DOCK9: variants seen among roughly 807,000 people sequenced by gnomAD.
DOCK9 encodes the protein dedicator of cytokinesis protein 9.
In DOCK9, 89 loss-of-function variants were observed where a neutral mutation model predicts 263.3. That is an observed-to-expected ratio of 0.34 (90% CI 0.28 to 0.40). The LOEUF (loss-of-function observed/expected upper bound fraction) is 0.40, where lower values mean the gene tolerates loss of function less well. DOCK9 is among the 10% of genes least tolerant of loss of function. The probability of loss-of-function intolerance (pLI) is 1.00; values close to 1 mark genes in which losing one functional copy is unlikely to be tolerated. For missense variants in DOCK9, 2,140 were observed against 2,603.4 expected (o/e 0.82, Z 3.87); for synonymous variants, 976 against 973.1 (o/e 1.00, Z -0.06).
chr13:99,020,299 A>G (rs1885934622), intron 1 of DOCK9, among the ~76,000 whole-genome samples: 1 of 152,186 alleles, frequency 6.6e-6, no homozygotes, highest in Non-Finnish European at 1.5e-5. Flanking sequence ...GATAAATTCA[A>G]CAATTTCTGA....
intron 48 of DOCK9, among the ~76,000 whole-genome samples, chr13:98,807,380 TG>T (rs1386927792): frequency 2.0e-5 from 3 of 152,230 alleles, no homozygotes; most frequent in African/African-American, 7.2e-5. Context: ...GGCCTCATTC[TG>T]TCAGAGTTTC....
chr13:98,918,213 G>A (rs1290198658), intron 7 of DOCK9, among the ~76,000 whole-genome samples: 1 of 152,216 alleles, frequency 6.6e-6, no homozygotes, highest in East Asian at 1.9e-4. Context: ...CCTGGAGGCA[G>A]TATCTGAATT....
rs551934283 is a variant in DOCK9, at chr13:99,069,406, A to G, written c.129+16817T>C. On this transcript the variant is annotated intron_variant, in intron 1 of 32. Coordinates refer to the DOCK9 transcript ENST00000427887. Reference sequence around the variant, plus strand: ...TTCACCAACAAACTAGCTTGGGACTAATGAAATATACAAGCACGGAGGAGA... The same window carrying G: ...TTCACCAACAAACTAGCTTGGGACTGATGAAATATACAAGCACGGAGGAGA... Among the ~76,000 whole-genome samples, 5 of 152,376 alleles carry G rather than the reference A, an allele frequency of 3.3e-5. No homozygotes were observed. The South Asian group carries it at 1.0e-3, about 32-fold the overall frequency.
At chr13:98,936,562 G>A (rs1373561415) in intron 2 of DOCK9, among the ~76,000 whole-genome samples, 1 of 151,454 alleles carries the variant, frequency 6.6e-6, no homozygotes, top group Non-Finnish European at 1.5e-5. Context: ...CGAGGCTGCA[G>A]TGAGCTGTGA....
intron 1 of DOCK9, among the ~76,000 whole-genome samples, chr13:99,018,861 C>A (rs760493981): frequency 3.3e-5 from 5 of 152,202 alleles, no homozygotes. Flanking sequence ...AATGTCACTT[C>A]TAATTTATAC....
intron 2 of DOCK9, among the ~76,000 whole-genome samples, chr13:98,941,733 G>A (rs184874949): frequency 2.0e-5 from 3 of 152,232 alleles, no homozygotes; most frequent in African/African-American, 7.2e-5. Context: ...GTAAGGGATT[G>A]AGCCTGCTGA....
intron 15 of DOCK9, among the ~76,000 whole-genome samples, chr13:98,892,317 C>T (rs1443714206): frequency 3.3e-5 from 5 of 152,142 alleles, no homozygotes; most frequent in African/African-American, 1.2e-4. Context: ...CCCATGCCAA[C>T]AGATTTGGGG....
intron 1 of DOCK9, among the ~76,000 whole-genome samples, chr13:98,991,636 G>A (rs914241481): frequency 4.0e-5 from 6 of 151,186 alleles, no homozygotes; most frequent in Non-Finnish European, 7.4e-5. Flanking sequence ...GTTTTTTATG[G>A]TTTTTAATAT....
At chr13:98,965,879 A>T (rs1341215825) in intron 1 of DOCK9, among the ~76,000 whole-genome samples, 1 of 152,220 alleles carries the variant, frequency 6.6e-6, no homozygotes, top group African/African-American at 2.4e-5. Flanking sequence ...ACATTTGTGA[A>T]TGCAGTTTTT....
chr13:98,873,342 G>A (rs2094238525), intron 27 of DOCK9, among the ~76,000 whole-genome samples: 1 of 152,190 alleles, frequency 6.6e-6, no homozygotes, highest in South Asian at 2.1e-4. Context: ...CCCTGTCCCA[G>A]GCTGAACCTT....
intron 1 of DOCK9, among the ~76,000 whole-genome samples, chr13:99,060,365 C>G (rs926947008): frequency 9.2e-5 from 14 of 152,150 alleles, no homozygotes; most frequent in Non-Finnish European, 2.9e-5. Context: ...GCGTGAGCCA[C>G]TGCGCCTGGC....
intron 17 of DOCK9, 46 bp downstream of exon 17, chr13:98,888,314 A>T: frequency 6.2e-7 from 1 of 1,605,518 alleles, no homozygotes. Flanking sequence ...CTGAATCTAA[A>T]GGGAGGGTTT....
At chr13:98,952,149 C>T (rs368682779) in intron 2 of DOCK9, among the ~76,000 whole-genome samples, 4 of 151,796 alleles carry the variant, frequency 2.6e-5, no homozygotes, top group South Asian at 2.1e-4. Flanking sequence ...CCACCTGCCT[C>T]GGACTCCCAA....
chr13:99,077,051 T>G (rs1041972491), intron 1 of DOCK9, among the ~76,000 whole-genome samples: 1 of 151,992 alleles, frequency 6.6e-6, no homozygotes, highest in East Asian at 1.9e-4. Context: ...TCCTGGAGTA[T>G]GAGAGAGGCT....
chr13:98,823,182 T>TTGCA (rs1412256125), intron 45 of DOCK9, among the ~76,000 whole-genome samples: 2 of 152,078 alleles, frequency 1.3e-5, no homozygotes, highest in Non-Finnish European at 2.9e-5. Context: ...CAACTCTCTT[T>TTGCA]ACTGTCTGAT....
At chr13:99,028,699 C>A (rs1172955497) in intron 1 of DOCK9, among the ~76,000 whole-genome samples, 2 of 152,104 alleles carry the variant, frequency 1.3e-5, no homozygotes, top group Non-Finnish European at 2.9e-5. Flanking sequence ...GAGAAATTAA[C>A]AAAGCCCAGC....
intron 15 of DOCK9, among the ~76,000 whole-genome samples, chr13:98,896,923 C>T (rs1354782447): frequency 1.3e-5 from 2 of 152,150 alleles, no homozygotes; most frequent in Non-Finnish European, 2.9e-5. Flanking sequence ...CTAGGCTTGG[C>T]CCTGATGCTT....
chr13:98,827,625 G>A (rs16955914), intron 43 of DOCK9, among the ~76,000 whole-genome samples: 5,872 of 152,296 alleles, frequency 0.039, 370 homozygotes, highest in African/African-American at 0.13. Flanking sequence ...GTGTGTCAAC[G>A]AATGTTAGCA....
At chr13:98,976,246 CCAG>C (rs1450396806) in intron 1 of DOCK9, among the ~76,000 whole-genome samples, 2 of 152,208 alleles carry the variant, frequency 1.3e-5, no homozygotes, top group Non-Finnish European at 2.9e-5. Context: ...GCAGCTGTAG[CCAG>C]CACAGCTTTA....
Sources: gnomAD v4.1 joint callset for allele counts (sites outside exome capture counted in the v4.1 genomes callset) on GRCh38, gnomAD v4.1.1 for gene constraint, MANE v1.5 for transcripts, NCBI Gene and HGNC (gene_info 2026-07-23, HGNC 2026-07-21) for gene names.